ADD3: variants seen among roughly 807,000 people sequenced by gnomAD.
ADD3 encodes the protein gamma-adducin.
Under a neutral mutation model 80.2 loss-of-function variants are expected in ADD3, and 25 were observed. That is an observed-to-expected ratio of 0.31 (90% CI 0.23 to 0.44). The LOEUF (loss-of-function observed/expected upper bound fraction) is 0.44, where lower values mean the gene tolerates loss of function less well. Ranked by LOEUF, ADD3 falls within the 20% of genes least tolerant of loss-of-function variation. The pLI is 1.00. For missense variants in ADD3, 829 were observed against 847.5 expected, an observed-to-expected ratio of 0.98 and a Z score of 0.27; for synonymous variants, 284 against 289.6, an observed-to-expected ratio of 0.98 and a Z score of 0.20.
chr10:110,074,706 C>T (rs753306115), intron 1 of ADD3, among the ~76,000 whole-genome samples: 15 of 151,652 alleles, frequency 9.9e-5, no homozygotes, highest in Non-Finnish European at 2.1e-4. Context: ...ACTGAAAATA[C>T]AATATGACAG....
chr10:110,089,993 A>C (rs953527620), intron 1 of ADD3, among the ~76,000 whole-genome samples: 2 of 152,124 alleles, frequency 1.3e-5, no homozygotes, highest in African/African-American at 2.4e-5. Flanking sequence ...CCAATGTCTA[A>C]GCAAGTAACT....
At position 110,038,988 on chromosome 10, in the gene ADD3, G is replaced by A. The variant is rs190640935; in HGVS notation, c.-30+30689G>A. Among the ~76,000 whole-genome samples, 27 of 152,308 alleles carry A rather than the reference G, an allele frequency of 1.8e-4. No individual in the cohort carries two copies. In the East Asian group the frequency reaches 5.2e-3, roughly 29 times the overall value. On this transcript the variant is annotated intron_variant, in intron 1 of 14. Coordinates refer to ENST00000356080, the MANE Select transcript of ADD3 (RefSeq NM_016824.5). ...TATATGTGAATAGATACCTTTATGT[G>A]TGTTTGGAGGGTATTACCACAGTGT...
At chr10:110,015,047 G>C (rs1392214940) in intron 1 of ADD3, among the ~76,000 whole-genome samples, 4 of 151,972 alleles carry the variant, frequency 2.6e-5, no homozygotes, top group Non-Finnish European at 5.9e-5. Flanking sequence ...CTAATTTTTT[G>C]TATTTTTAGT....
chr10:110,126,913 T>G (rs944568449), intron 12 of ADD3, among the ~76,000 whole-genome samples: 6 of 152,250 alleles, frequency 3.9e-5, no homozygotes, highest in Non-Finnish European at 7.3e-5. Context: ...CTTGACTATT[T>G]TTCATCAAAT....
chr10:110,076,113 A>G (rs980124603), intron 1 of ADD3, among the ~76,000 whole-genome samples: 1 of 152,182 alleles, frequency 6.6e-6, no homozygotes, highest in Non-Finnish European at 1.5e-5. Flanking sequence ...AAACAATTAC[A>G]TAGTTTTTTA....
chr10:110,109,953 G>C (rs147326709), intron 2 of ADD3, among the ~76,000 whole-genome samples: 34 of 152,260 alleles, frequency 2.2e-4, no homozygotes, highest in African/African-American at 7.5e-4. Context: ...TTACAAGACA[G>C]TTTTTCTGAT....
At chr10:110,099,618 C>A (rs1848575514) in intron 1 of ADD3, among the ~76,000 whole-genome samples, 1 of 152,158 alleles carries the variant, frequency 6.6e-6, no homozygotes. Context: ...TATGTGAATA[C>A]AATATAAAAT....
chr10:110,128,799 G>T (rs1852542160), intron 12 of ADD3, among the ~76,000 whole-genome samples: 1 of 151,966 alleles, frequency 6.6e-6, no homozygotes, highest in African/African-American at 2.4e-5. Context: ...TTCTCTTATT[G>T]CTCTAAGGGT....
intron 5 of ADD3, among the ~76,000 whole-genome samples, chr10:110,118,327 C>G (rs531940165): frequency 1.6e-4 from 24 of 152,228 alleles, no homozygotes; most frequent in African/African-American, 5.8e-4. Context: ...GTACTTCTTG[C>G]CAAGTACCAA....
intron 8 of ADD3, 130 bp downstream of exon 8, chr10:110,119,694 T>C (rs1189360196): frequency 1.4e-5 from 10 of 721,534 alleles, no homozygotes; most frequent in East Asian, 8.0e-5. Flanking sequence ...GCTCTACTTA[T>C]GTAGGCAGGG....
chr10:109,997,104 A>G lies in ADD3; in HGVS notation n.79+658A>G, dbSNP rs1437199773. On this transcript the variant is annotated intron_variant and non_coding_transcript_variant, in intron 1 of 5. Coordinates refer to the ADD3 transcript ENST00000468251. Reference sequence around the variant, plus strand: ...GCACAGAGCTCACAGAATTGAAGAGAAAGCTGAAGAATAGGGTCTTGTAAA... The same window carrying G: ...GCACAGAGCTCACAGAATTGAAGAGGAAGCTGAAGAATAGGGTCTTGTAAA... Among the ~76,000 whole-genome samples, 3 of 152,250 alleles carry G rather than the reference A, an allele frequency of 2.0e-5. No individual in the cohort carries two copies. The South Asian group carries it at 6.2e-4, about 32-fold the overall frequency.
chr10:110,012,110 A>G (rs1852407304), intron 1 of ADD3, among the ~76,000 whole-genome samples: 2 of 152,252 alleles, frequency 1.3e-5, no homozygotes, highest in South Asian at 2.1e-4. Context: ...ATGTCAAACC[A>G]TGCTACTTGA....
At position 110,132,375 on chromosome 10, in the gene ADD3, G is replaced by A. The variant is rs772646325; in HGVS notation, c.1803G>A (p.Pro601=). Residue 601 remains proline, a synonymous_variant, in exon 14 of 15, where the codon CCG becomes CCA. Transcript: ENST00000356080. The part of the protein sequence containing the change: ...VSQIQSQTQS[P]QNVPEKLEEN... ...AAATTCAGTCTCAAACTCAGTCACC[G>A]CAAAATGTCCCTGAAAAATTAGAAG... 1.4e-5 allele frequency: 23 copies of A among 1,612,776 alleles called. No homozygotes were observed. The South Asian group carries it at 1.4e-4, about 10-fold the overall frequency.
rs2133926893 is a variant in ADD3 at position 110,097,944 on chromosome 10, T to A, written c.-29-2681T>A. Among the ~76,000 whole-genome samples the A allele has an allele frequency of 2.6e-5, 4 of 152,056 alleles. 1 individual carries two copies. The South Asian group carries it at 8.3e-4, about 32-fold the overall frequency. ...CGCCTGCCACCACGCCTGGCTAATT[T>A]TTTTGTATTTTTAATAGAGACAGAG... On this transcript the variant is annotated intron_variant, in intron 1 of 14. Transcript: ENST00000356080.
At chr10:110,065,543 T>TTTTTTTTTTTTTTC (rs1843829121) in intron 1 of ADD3, among the ~76,000 whole-genome samples, 1 of 81,724 alleles carries the variant, frequency 1.2e-5, no homozygotes, top group African/African-American at 4.3e-5. Flanking sequence ...TCTCCCCTTT[T>TTTTTTTTTTTTTTC]TTTTTTTTTT....
intron 14 of ADD3, among the ~76,000 whole-genome samples, chr10:110,132,924 C>CAAAAAA (rs60435351): frequency 4.5e-5 from 3 of 66,260 alleles, no homozygotes; most frequent in Admixed American, 1.8e-4. Context: ...GACTCCGCCT[C>CAAAAAA]AAAAAAAAAA....
Position 110,112,790 on chromosome 10 carries a change from A to G in ADD3, c.209A>G (p.Asp70Gly). Residue 70 changes from aspartate to glycine, a missense_variant, in exon 3 of 15, where the codon GAC becomes GGC. Transcript: ENST00000356080. ...TGTGTATTACAGGCCTTTCGGGAAG[A>G]CTTGGAATGCCTTATTCAAGAACAG... is the stretch of plus-strand genomic sequence containing the variant. ...QILQSPAFRE[D>G]LECLIQEQMK... is the part of the protein sequence containing the mutation. 1 of 1,613,576 alleles carries G rather than the reference A, an allele frequency of 6.2e-7. No individual in the cohort carries two copies. The highest frequency in any genetic ancestry group is 8.5e-7 in the Non-Finnish European group (1 of 1,179,840).
At chr10:110,105,700 G>T (rs1478521327) in intron 2 of ADD3, among the ~76,000 whole-genome samples, 3 of 152,124 alleles carry the variant, frequency 2.0e-5, no homozygotes, top group Non-Finnish European at 4.4e-5. Context: ...AATGCATACT[G>T]CTGTAAGCTT....
At chr10:110,033,645 A>G (rs1379957110) in intron 1 of ADD3, among the ~76,000 whole-genome samples, 4 of 152,198 alleles carry the variant, frequency 2.6e-5, no homozygotes, top group Non-Finnish European at 5.9e-5. Context: ...AAAACCAGTT[A>G]ATTTTTAATT....
Sources: gnomAD v4.1 joint callset for allele counts (sites outside exome capture counted in the v4.1 genomes callset) on GRCh38, gnomAD v4.1.1 for gene constraint, MANE v1.5 for transcripts, NCBI Gene and HGNC (gene_info 2026-07-23, HGNC 2026-07-21) for gene names.